WDR59: variants seen among roughly 807,000 people sequenced by gnomAD.
WDR59 encodes GATOR2 complex protein WDR59.
WDR59 carries 100 observed loss-of-function variants against 131.2 expected under a neutral mutation model. The observed-to-expected ratio is 0.76, with a 90% confidence interval of 0.65 to 0.90. The LOEUF is 0.90. Ranked by LOEUF, WDR59 falls within the 40% of genes least tolerant of loss-of-function variation. The pLI is 0.00. For missense variants in WDR59, 1,203 were observed against 1,262.2 expected (o/e 0.95, Z 0.71); for synonymous variants, 601 against 466.2 (o/e 1.29, Z -3.72).
chr16:74,888,044 G>C, intron 22 of WDR59, 125 bp downstream of exon 22: 1 of 1,251,200 alleles, frequency 8.0e-7, no homozygotes, highest in Non-Finnish European at 1.1e-6. Flanking sequence ...CTTGAACCCA[G>C]GAGGCGGAGG....
At chr16:74,971,430 T>A in intron 1 of WDR59, among the ~76,000 whole-genome samples, 1 of 119,542 alleles carries the variant, frequency 8.4e-6, no homozygotes, top group African/African-American at 3.5e-5. Context: ...TCCTTCCTTT[T>A]TTTTTTTTTT....
rs148594010 is a variant in WDR59, at chr16:74,911,184, CAA to C, written c.1389+1012_1389+1013del. ...CGGAAAAGGTCTGATTTTTCACACA[CAA>C]AAGAGTTCGCAACCTAATCGTATCA... On this transcript the variant is annotated intron_variant, in intron 14 of 25. Transcript: ENST00000262144. Among the ~76,000 whole-genome samples, 1,030 of 152,248 alleles carry C rather than the reference CAA, an allele frequency of 6.8e-3. 14 individuals are homozygous for C. The highest frequency in any genetic ancestry group is 0.023 in the African/African-American group (954 of 41,544).
At chr16:74,890,442 C>T (rs1301080565) in intron 20 of WDR59, among the ~76,000 whole-genome samples, 1 of 152,142 alleles carries the variant, frequency 6.6e-6, no homozygotes, top group African/African-American at 2.4e-5. Flanking sequence ...TGAGCCACTG[C>T]ACCCGGCCTC....
chr16:74,904,365 A>C, intron 17 of WDR59: 1 of 379,154 alleles, frequency 2.6e-6, no homozygotes, highest in Non-Finnish European at 4.8e-6. Flanking sequence ...CAACCTACAA[A>C]TATCTACTAT....
chr16:74,942,204 T>C (rs1319104597), intron 7 of WDR59, among the ~76,000 whole-genome samples: 1 of 152,116 alleles, frequency 6.6e-6, no homozygotes, highest in Non-Finnish European at 1.5e-5. Flanking sequence ...GTATGAGTGA[T>C]ATGCACAATA....
intron 7 of WDR59, among the ~76,000 whole-genome samples, chr16:74,941,954 T>A (rs1266487712): frequency 6.6e-6 from 1 of 152,118 alleles, no homozygotes; most frequent in Non-Finnish European, 1.5e-5. Flanking sequence ...TGCCTGAGCA[T>A]CTGTAGCCCC....
chr16:74,890,540 C>A (rs1401451041), intron 20 of WDR59, among the ~76,000 whole-genome samples: 1 of 152,168 alleles, frequency 6.6e-6, no homozygotes, highest in Non-Finnish European at 1.5e-5. Flanking sequence ...TAAGATCTGT[C>A]CCTCTTTTCC....
At chr16:74,930,892 C>CAAAAAAAAAAAAAAAAAAAAAAAA in intron 8 of WDR59, 1 of 79,628 alleles carries the variant, frequency 1.3e-5, no homozygotes, top group Admixed American at 1.8e-4. Context: ...GACTCCATCT[C>CAAAAAAAAAAAAAAAAAAAAAAAA]AAAAAAAAAA....
chr16:74,984,872 C>A, intron 1 of WDR59, 92 bp downstream of exon 1: 13 of 1,534,564 alleles, frequency 8.5e-6, no homozygotes, highest in Non-Finnish European at 1.2e-5. Flanking sequence ...CCTAGGGTCT[C>A]CCCGTAGCCC....
chr16:74,935,187 A>G (rs1480316456), intron 8 of WDR59, among the ~76,000 whole-genome samples: 2 of 151,842 alleles, frequency 1.3e-5, no homozygotes, highest in Admixed American at 1.3e-4. Context: ...CCAAGATCAC[A>G]CCACTGCAAT....
chr16:74,904,367 A>C, intron 17 of WDR59: 2 of 375,306 alleles, frequency 5.3e-6, no homozygotes, highest in Non-Finnish European at 9.7e-6. Context: ...ACCTACAAAT[A>C]TCTACTATAG....
intron 7 of WDR59, among the ~76,000 whole-genome samples, chr16:74,941,083 G>A (rs1443165630): frequency 2.0e-5 from 3 of 151,962 alleles, no homozygotes; most frequent in East Asian, 3.9e-4. Flanking sequence ...AGTGGCTCAT[G>A]TCTGTAATCC....
intron 8 of WDR59, among the ~76,000 whole-genome samples, chr16:74,934,616 G>A (rs2031653628): frequency 6.6e-6 from 1 of 151,892 alleles, no homozygotes; most frequent in Non-Finnish European, 1.5e-5. Flanking sequence ...CTTTTCTAAG[G>A]GTCCCTGCTA....
intron 2 of WDR59, chr16:74,963,151 G>T (rs2033627351): frequency 1.3e-5 from 2 of 152,152 alleles, no homozygotes; most frequent in African/African-American, 4.8e-5. Context: ...AGCTACTCGG[G>T]AGGTTGAGGC....
intron 20 of WDR59, 43 bp from the exon 21 acceptor site, chr16:74,889,858 C>T: frequency 6.7e-7 from 1 of 1,502,532 alleles, no homozygotes; most frequent in South Asian, 1.2e-5. Flanking sequence ...CTGGCAAGGA[C>T]AAGAACCGAA....
rs1480648805 is a variant in WDR59, at chr16:74,873,777, T to C, written c.*432A>G. 1 of 167,102 alleles carries C rather than the reference T, an allele frequency of 6.0e-6. No individual in the cohort carries two copies. The highest frequency in any genetic ancestry group is 1.7e-4 in the East Asian group (1 of 5,732). The allele number at this position is 167,102 out of a possible 1,614,324, so 10.4% of individuals were successfully genotyped here. Reference sequence around the variant, plus strand: ...GCTTCTAAAGCCATGATGCCATAGGTCCATTTGTTGATGAAATTCCTACCC... The same window carrying C: ...GCTTCTAAAGCCATGATGCCATAGGCCCATTTGTTGATGAAATTCCTACCC... On this transcript the variant is annotated 3_prime_UTR_variant, in exon 26 of 26. Coordinates refer to ENST00000262144, the MANE Select transcript of WDR59 (RefSeq NM_030581.4).
chr16:74,905,179 C>G (rs1177490147), intron 17 of WDR59, among the ~76,000 whole-genome samples: 1 of 150,966 alleles, frequency 6.6e-6, no homozygotes, highest in Middle Eastern at 3.5e-3. Context: ...AGTTCAAGAC[C>G]AGCCTGACCA....
rs71378720 is a variant in WDR59 at position 74,941,340 on chromosome 16, C to CAAA, written c.534+1395_534+1397dup. Among the ~76,000 whole-genome samples the CAAA allele has an allele frequency of 1.5e-3, 162 of 109,848 alleles. 2 individuals carry two copies. In the Middle Eastern group the frequency reaches 0.015, roughly 10 times the overall value. The allele number at this position is 109,848 out of a possible 152,430, so 72.1% of individuals were successfully genotyped here. On this transcript the variant is annotated intron_variant, in intron 7 of 25. Transcript: ENST00000262144. ...TGGGTGACAGAATGAGGCTCCATCT[C>CAAA]AAAAAAAAAAAAAAAGAAGGGGAAA... is the stretch of plus-strand genomic sequence containing the variant.
intron 6 of WDR59, among the ~76,000 whole-genome samples, chr16:74,946,847 G>A (rs992496863): frequency 6.6e-6 from 1 of 152,206 alleles, no homozygotes; most frequent in Non-Finnish European, 1.5e-5. Flanking sequence ...GAGGGAAAAA[G>A]TACCATGTAC....
Sources: gnomAD v4.1 joint callset for allele counts (sites outside exome capture counted in the v4.1 genomes callset) on GRCh38, gnomAD v4.1.1 for gene constraint, MANE v1.5 for transcripts, NCBI Gene and HGNC (gene_info 2026-07-23, HGNC 2026-07-21) for gene names.